The following PRKG1 variants were observed in gnomAD, a reference collection of about 807,000 sequenced individuals.
PRKG1 encodes the protein cGMP-dependent protein kinase 1.
In PRKG1, 35 loss-of-function variants were observed where a neutral mutation model predicts 88.1. That is an observed-to-expected ratio of 0.40 (90% CI 0.30 to 0.53). The LOEUF (loss-of-function observed/expected upper bound fraction) is 0.53. PRKG1 is among the 20% of genes least tolerant of loss of function. The pLI, the probability that PRKG1 is intolerant of heterozygous loss-of-function variation, is 0.59. For missense variants in PRKG1, 540 were observed against 839.8 expected, an observed-to-expected ratio of 0.64 and a Z score of 4.41; for synonymous variants, 303 against 292.5, an observed-to-expected ratio of 1.04 and a Z score of -0.37.
intron 1 of PRKG1, among the ~76,000 whole-genome samples, chr10:51,042,929 A>G (rs1236492917): frequency 6.6e-6 from 1 of 152,200 alleles, no homozygotes; most frequent in African/African-American, 2.4e-5. Context: ...ATGGCCATCT[A>G]TGAACCAGGA....
intron 5 of PRKG1, among the ~76,000 whole-genome samples, chr10:52,051,165 A>G (rs1247099145): frequency 6.6e-6 from 1 of 152,232 alleles, no homozygotes; most frequent in Non-Finnish European, 1.5e-5. Context: ...GAAAGAAAAT[A>G]ACTATCACAT....
chr10:51,445,343 C>A (rs1839239494), intron 2 of PRKG1, among the ~76,000 whole-genome samples: 1 of 151,862 alleles, frequency 6.6e-6, no homozygotes, highest in Admixed American at 6.6e-5. Context: ...AAATGGACAT[C>A]TTTGTGTTCC....
intron 8 of PRKG1, among the ~76,000 whole-genome samples, chr10:52,142,892 G>A (rs1336271707): frequency 6.6e-6 from 1 of 152,064 alleles, no homozygotes; most frequent in Non-Finnish European, 1.5e-5. Flanking sequence ...ACAGGACTAT[G>A]TTTATTTGGT....
intron 3 of PRKG1, among the ~76,000 whole-genome samples, chr10:51,710,342 C>T (rs1265458808): frequency 6.6e-6 from 1 of 152,156 alleles, no homozygotes; most frequent in Non-Finnish European, 1.5e-5. Flanking sequence ...CATTGACCCT[C>T]TTTCTGAGGT....
At chr10:52,242,522 C>A (rs1298122459) in intron 9 of PRKG1, among the ~76,000 whole-genome samples, 1 of 152,114 alleles carries the variant, frequency 6.6e-6, no homozygotes, top group Non-Finnish European at 1.5e-5. Context: ...CCAATGATTC[C>A]ATTAAAGTAA....
At chr10:51,864,712 CA>C in intron 4 of PRKG1, among the ~76,000 whole-genome samples, 1 of 152,194 alleles carries the variant, frequency 6.6e-6, no homozygotes. Flanking sequence ...ATATTTCTAG[CA>C]ACAATATGTT....
intron 2 of PRKG1, among the ~76,000 whole-genome samples, chr10:51,211,916 C>T (rs531239691): frequency 6.6e-6 from 1 of 152,224 alleles, no homozygotes; most frequent in Non-Finnish European, 1.5e-5. Flanking sequence ...GATTCAATGC[C>T]ATCCCCATCA....
chr10:52,054,333 C>G lies in PRKG1; in HGVS notation c.763-151C>G, dbSNP rs371540088. The stretch of plus-strand genomic sequence containing the variant: ...TCTTTGTCATTATTGCATACATTGA[C>G]TAATATTCATTATTAAATCATGATG... On this transcript the variant is annotated intron_variant, in intron 5 of 17. Transcript: ENST00000373980. 3.8e-5 allele frequency: 23 copies of G among 610,590 alleles called. No homozygotes were observed. The African/African-American group carries it at 4.3e-4, about 11-fold the overall frequency. The allele number at this position is 610,590 out of a possible 1,614,324, so 37.8% of individuals were successfully genotyped here. A position where few individuals can be genotyped will look rare whatever the true frequency, so the allele number is the denominator to read the frequency against.
At chr10:51,009,407 C>T (rs956269916) in intron 1 of PRKG1, among the ~76,000 whole-genome samples, 1 of 152,114 alleles carries the variant, frequency 6.6e-6, no homozygotes, top group Non-Finnish European at 1.5e-5. Context: ...ATAGTTCTCC[C>T]ACCTCCACCT....
intron 2 of PRKG1, among the ~76,000 whole-genome samples, chr10:51,230,090 A>C (rs1312071631): frequency 1.3e-5 from 2 of 152,166 alleles, no homozygotes; most frequent in African/African-American, 4.8e-5. Flanking sequence ...ATTAGTAATA[A>C]TAAAAACTAG....
At position 51,982,758 on chromosome 10, in the gene PRKG1, T is replaced by C. The variant is rs1416481721; in HGVS notation, c.763-71726T>C. On this transcript the variant is annotated intron_variant, in intron 5 of 17. Transcript: ENST00000373980. ...TAGTGTCAGCAAAAGTGTTTTATAGTGCAGTGGCAGTGGGATCCATACTCA... is the reference window on the plus strand; with the variant it reads ...TAGTGTCAGCAAAAGTGTTTTATAGCGCAGTGGCAGTGGGATCCATACTCA... Among the ~76,000 whole-genome samples, 5 of 152,286 alleles carry C rather than the reference T, an allele frequency of 3.3e-5. No individual in the cohort carries two copies. In the East Asian group the frequency reaches 9.7e-4, roughly 29 times the overall value.
At chr10:51,627,794 C>A (rs1220697307) in intron 3 of PRKG1, among the ~76,000 whole-genome samples, 3 of 152,060 alleles carry the variant, frequency 2.0e-5, no homozygotes, top group Non-Finnish European at 4.4e-5. Flanking sequence ...AGAAAGCCTT[C>A]TGAAATGGTA....
At chr10:51,223,919 T>G (rs919406350) in intron 2 of PRKG1, among the ~76,000 whole-genome samples, 7 of 152,184 alleles carry the variant, frequency 4.6e-5, no homozygotes, top group African/African-American at 1.7e-4. Flanking sequence ...TTGAATACAT[T>G]GCTGAAATGA....
chr10:51,119,625 T>C (rs1845213574), intron 1 of PRKG1, among the ~76,000 whole-genome samples: 1 of 152,074 alleles, frequency 6.6e-6, no homozygotes, highest in African/African-American at 2.4e-5. Flanking sequence ...ATTTTGGACA[T>C]AATTCCAACA....
intron 2 of PRKG1, among the ~76,000 whole-genome samples, chr10:51,422,068 A>G (rs1476120827): frequency 1.3e-5 from 2 of 152,200 alleles, no homozygotes. Flanking sequence ...CCTTGAGTGG[A>G]GAAGAGATAA....
At chr10:52,252,398 CTT>C (rs1841194997) in intron 10 of PRKG1, 1 of 151,796 alleles carries the variant, frequency 6.6e-6, no homozygotes, top group African/African-American at 2.4e-5. Context: ...AAAATGTACT[CTT>C]ATGACTAACT....
intron 3 of PRKG1, among the ~76,000 whole-genome samples, chr10:51,794,625 A>G (rs2132590750): frequency 6.6e-6 from 1 of 152,264 alleles, no homozygotes; most frequent in South Asian, 2.1e-4. Flanking sequence ...GAATGGATGT[A>G]AAGTGTTCTC....
chr10:51,311,484 T>C (rs1841184684), intron 2 of PRKG1, among the ~76,000 whole-genome samples: 1 of 152,210 alleles, frequency 6.6e-6, no homozygotes, highest in African/African-American at 2.4e-5. Context: ...ACTAACTGAC[T>C]TGTCCGTGGA....
At chr10:51,827,969 G>A (rs900340266) in intron 4 of PRKG1, among the ~76,000 whole-genome samples, 3 of 152,070 alleles carry the variant, frequency 2.0e-5, no homozygotes, top group African/African-American at 4.8e-5. Context: ...TAAAATGATG[G>A]TAATGTCAGG....
Sources: gnomAD v4.1 joint callset for allele counts (sites outside exome capture counted in the v4.1 genomes callset) on GRCh38, gnomAD v4.1.1 for gene constraint, MANE v1.5 for transcripts, NCBI Gene and HGNC (gene_info 2026-07-23, HGNC 2026-07-21) for gene names.